NAMPT: variants seen among roughly 807,000 people sequenced by gnomAD.
NAMPT encodes NAmPRTase.
In NAMPT, 7 loss-of-function variants were observed where a neutral mutation model predicts 58.7. The ratio of observed to expected loss-of-function variants is 0.12; its 90% CI spans 0.07 to 0.22. The LOEUF (loss-of-function observed/expected upper bound fraction) is 0.22. Among genes scored for constraint, NAMPT ranks in the 10% least tolerant of loss-of-function variants. The pLI is 1.00. For missense variants in NAMPT, 271 were observed against 567.9 expected (o/e 0.48, Z 5.31); for synonymous variants, 145 against 198.1 (o/e 0.73, Z 2.25).
intron 1 of NAMPT, among the ~76,000 whole-genome samples, chr7:106,280,103 A>G (rs1792732357): frequency 6.6e-6 from 1 of 152,164 alleles, no homozygotes; most frequent in Non-Finnish European, 1.5e-5. Context: ...ATATGACATG[A>G]TTCACCTTTT....
chr7:106,275,044 C>G lies in NAMPT; in HGVS notation c.220G>C (p.Val74Leu), dbSNP rs1792605873. The change falls in exon 3 of 11, where the codon GTA becomes CTA. Residue 74 changes from valine (V) to leucine (L), a missense_variant. Transcript: ENST00000222553. Reference protein sequence around the residue: ...YILNKYLKGKVVTKEKIQEAK... With the variant: ...YILNKYLKGKLVTKEKIQEAK... ...TCCTGGATTTTCTCTTTGGTTACTA[C>G]TTTACCTAGAAGAATATACATGTCC... 1 of 1,592,090 alleles carries G rather than the reference C, an allele frequency of 6.3e-7. No homozygotes were observed. Among genetic ancestry groups the G allele is most frequent in the Non-Finnish European group, 8.6e-7 (1 of 1,160,376 alleles).
At chr7:106,284,023 G>A (rs540163459) in intron 1 of NAMPT, among the ~76,000 whole-genome samples, 1 of 152,340 alleles carries the variant, frequency 6.6e-6, no homozygotes, top group African/African-American at 2.4e-5. Flanking sequence ...TGAACGCAAC[G>A]CTGTGCCATT....
chr7:106,257,257 T>TTATC (rs768379026), intron 8 of NAMPT, among the ~76,000 whole-genome samples: 1 of 152,072 alleles, frequency 6.6e-6, no homozygotes, highest in Non-Finnish European at 1.5e-5. Flanking sequence ...CAAAGAGTAT[T>TTATC]TATCTCAATA....
chr7:106,270,123 T>G (rs183540711), intron 4 of NAMPT: 1 of 217,018 alleles, frequency 4.6e-6, no homozygotes, highest in Admixed American at 6.0e-5. Context: ...TAAGAACAGT[T>G]CCTTGATTTC....
chr7:106,284,738 A>AACCCCCCCCCCC, intron 1 of NAMPT, 90 bp downstream of exon 1: 25 of 486,000 alleles, frequency 5.1e-5, no homozygotes, highest in Non-Finnish European at 7.2e-5. Flanking sequence ...CCCAGCCCCA[A>AACCCCCCCCCCC]CCCCAGCCCC....
rs556790067 is a variant in NAMPT at position 106,284,975 on chromosome 7, T to G, written c.-91A>C. On this transcript the variant is annotated 5_prime_UTR_variant, in exon 1 of 11. Transcript: ENST00000222553. Reference sequence around the variant, plus strand: ...ATGAGCTTCACCGCGCTCCGTTGCTTAAGTCACTGCTCGGTCGGCGGAGGA... The same window carrying G: ...ATGAGCTTCACCGCGCTCCGTTGCTGAAGTCACTGCTCGGTCGGCGGAGGA... The G allele has an allele frequency of 1.1e-5, 16 of 1,507,700 alleles. No homozygotes were observed. The African/African-American group carries it at 1.8e-4, about 17-fold the overall frequency. 93.4% of individuals were successfully genotyped at this position (1,507,700 alleles called of 1,614,324 possible). A position where few individuals can be genotyped will look rare whatever the true frequency, so the allele number is the denominator to read the frequency against.
In NAMPT at chr7:106,248,635, C is replaced by CT. The variant is rs1792057215; in HGVS notation, c.*2447dup. On this transcript the variant is annotated 3_prime_UTR_variant, in exon 11 of 11. Coordinates refer to ENST00000222553, the MANE Select transcript of NAMPT (RefSeq NM_005746.3). ...AAATAAGAGTCTTAACACAGAAATC[C>CT]TACCTCCTATTTAAGATATAAATAC... The CT allele has an allele frequency of 6.6e-6, 1 of 152,024 alleles. No homozygotes were observed. Among genetic ancestry groups the CT allele is most frequent in the Non-Finnish European group, 1.5e-5 (1 of 67,962 alleles). 9.4% of individuals were successfully genotyped at this position (152,024 alleles called of 1,614,324 possible).
chr7:106,277,572 GGTATGTTCC>G (rs1183765807), intron 1 of NAMPT, among the ~76,000 whole-genome samples: 6 of 152,122 alleles, frequency 3.9e-5, no homozygotes, highest in African/African-American at 1.4e-4. Context: ...ATCTCAATGT[GGTATGTTCC>G]AAAAGTCAAT....
intron 1 of NAMPT, among the ~76,000 whole-genome samples, chr7:106,279,934 T>C (rs1418446479): frequency 6.6e-6 from 1 of 151,812 alleles, no homozygotes; most frequent in Non-Finnish European, 1.5e-5. Context: ...GCCAATGTGG[T>C]AGGTACTTAA....
At chr7:106,283,102 G>A (rs1166364711) in intron 1 of NAMPT, among the ~76,000 whole-genome samples, 2 of 152,050 alleles carry the variant, frequency 1.3e-5, no homozygotes, top group Non-Finnish European at 2.9e-5. Flanking sequence ...ACCCTCTAGA[G>A]GTGACTTTTG....
intron 8 of NAMPT, among the ~76,000 whole-genome samples, chr7:106,259,910 T>G (rs1190316800): frequency 6.9e-6 from 1 of 145,328 alleles, no homozygotes; most frequent in African/African-American, 2.5e-5. Context: ...GAGCAGTCGG[T>G]CCCAACAGTG....
chr7:106,272,506 A>T (rs773613128), intron 4 of NAMPT, 24 bp downstream of exon 4: 3 of 1,586,198 alleles, frequency 1.9e-6, no homozygotes, highest in Non-Finnish European at 2.6e-6. Flanking sequence ...TTAATGTTAA[A>T]TAAGAATTAA....
chr7:106,260,469 GA>G, intron 8 of NAMPT, among the ~76,000 whole-genome samples: 1 of 152,332 alleles, frequency 6.6e-6, no homozygotes, highest in Non-Finnish European at 1.5e-5. Context: ...CTTCTATTCA[GA>G]CCATTCAAAC....
upstream of NAMPT, chr7:106,285,070 C>G: frequency 7.4e-7 from 1 of 1,353,076 alleles, no homozygotes; most frequent in Non-Finnish European, 9.6e-7. Flanking sequence ...TGACGCGGCG[C>G]GGGTGACGGC....
intron 1 of NAMPT, among the ~76,000 whole-genome samples, chr7:106,281,612 GAAACAGCAAA>G (rs1792766386): frequency 6.6e-6 from 1 of 152,140 alleles, no homozygotes; most frequent in African/African-American, 2.4e-5. Context: ...TAATGTGCTA[GAAACAGCAAA>G]AACCATAACC....
At position 106,257,633 on chromosome 7, in the gene NAMPT, A is replaced by C. The variant is rs57491916; in HGVS notation, c.1090-3129T>G. 6.8e-3 allele frequency among the ~76,000 whole-genome samples: 1,027 copies of C among 152,066 alleles called. 10 individuals are homozygous for C. The highest frequency in any genetic ancestry group is 0.023 in the African/African-American group (974 of 41,522). Reference sequence around the variant, plus strand: ...TGACAGACTGAGTCCCTGTCAAAAAAAAAAAATCGCACATACATTCCTAAA... The same window carrying C: ...TGACAGACTGAGTCCCTGTCAAAAACAAAAAATCGCACATACATTCCTAAA... On this transcript the variant is annotated intron_variant, in intron 8 of 10. Coordinates refer to ENST00000222553, the MANE Select transcript of NAMPT (RefSeq NM_005746.3).
chr7:106,248,612 A>G lies in NAMPT; in HGVS notation c.*2471T>C, dbSNP rs1186758002. ...ATTTTACTTTAATTATAGGGTACAA[A>G]TAAGAGTCTTAACACAGAAATCCTA... On this transcript the variant is annotated 3_prime_UTR_variant, in exon 11 of 11. Transcript: ENST00000222553. The G allele has an allele frequency of 1.3e-5, 2 of 152,148 alleles. No individual in the cohort carries two copies. The highest frequency in any genetic ancestry group is 2.9e-5 in the Non-Finnish European group (2 of 67,998). The allele number at this position is 152,148 out of a possible 1,614,324, so 9.4% of individuals were successfully genotyped here.
In NAMPT at chr7:106,277,109, T is replaced by C. The variant is rs1333527623; in HGVS notation, c.128A>G (p.Lys43Arg). 9 of 1,609,976 alleles carry C rather than the reference T, an allele frequency of 5.6e-6. No individual in the cohort carries two copies. Among genetic ancestry groups the C allele is most frequent in the Non-Finnish European group, 6.8e-6 (8 of 1,176,400 alleles). Residue 43 changes from lysine to arginine, a missense_variant, in exon 2 of 11, where the codon AAG becomes AGG. Physicochemically the swap from Lys to Arg is conservative, Grantham distance 26. This residue lies in a region of NAMPT where 103 missense variants were observed against 194.2 expected (regional missense o/e 0.53). Transcript: ENST00000222553. ...VYSYFECREK[K>R]TENSKLRKVK... ...CTTCCTTAATTTGGAGTTTTCTGTCTTCTTTTCACGGCATTCAAAGTAGGA... is the reference window on the plus strand; with the variant it reads ...CTTCCTTAATTTGGAGTTTTCTGTCCTCTTTTCACGGCATTCAAAGTAGGA...
chr7:106,284,777 C>G (rs530957651), intron 1 of NAMPT, 51 bp downstream of exon 1: 1 of 1,404,366 alleles, frequency 7.1e-7, no homozygotes, highest in Non-Finnish European at 9.5e-7. Flanking sequence ...GCCGCGCGCT[C>G]GTCCCCAGCG....
Sources: gnomAD v4.1 joint callset for allele counts (sites outside exome capture counted in the v4.1 genomes callset) on GRCh38, gnomAD v4.1.1 for gene constraint, gnomAD v4.1.1 regional missense constraint, MANE v1.5 for transcripts, NCBI Gene and HGNC (gene_info 2026-07-23, HGNC 2026-07-21) for gene names.